RNF228: variants seen among roughly 807,000 people sequenced by gnomAD.
The protein encoded by RNF228 is ring finger protein 228.
chr2:222,317,478 AT>A, the RNF228 span: 4 of 152,174 alleles, frequency 2.6e-5, no homozygotes, highest in Non-Finnish European at 5.9e-5. Flanking sequence ...AGATTCTGTG[AT>A]TTTTAAGCAT....
chr2:222,319,980 G>T, the RNF228 span, among the ~76,000 whole-genome samples: 11 of 152,096 alleles, frequency 7.2e-5, no homozygotes, highest in African/African-American at 2.7e-4. This position sits in a 1 kb window ranked among gnomAD's most constrained non-coding sequence, Gnocchi z 7.6. Flanking sequence ...GGCTCCCTTC[G>T]CGGCGACCCC....
the RNF228 span, among the ~76,000 whole-genome samples, chr2:222,319,928 C>A: frequency 3.9e-5 from 6 of 152,222 alleles, no homozygotes; most frequent in South Asian, 1.2e-3. The surrounding 1 kb of genome is among the most constrained non-coding windows in gnomAD (Gnocchi z 7.6). Flanking sequence ...GGCCGGAGAC[C>A]GTCTCCGCTG....
chr2:222,319,964 G>C, the RNF228 span, among the ~76,000 whole-genome samples: 2 of 152,142 alleles, frequency 1.3e-5, no homozygotes, highest in Non-Finnish European at 2.9e-5. This position sits in a 1 kb window ranked among gnomAD's most constrained non-coding sequence, Gnocchi z 7.6. Flanking sequence ...CGTCTCCGCA[G>C]TCCGGGGCTC....
At chr2:222,315,875 T>G in the RNF228 span, among the ~76,000 whole-genome samples, 7 of 152,258 alleles carry the variant, frequency 4.6e-5, no homozygotes, top group African/African-American at 1.7e-4. Context: ...TATGAAAGCA[T>G]GATGATGAGT....
the RNF228 span, among the ~76,000 whole-genome samples, chr2:222,316,717 A>G: frequency 6.6e-6 from 1 of 152,234 alleles, no homozygotes; most frequent in Non-Finnish European, 1.5e-5. Context: ...ATATATCTTT[A>G]AACATAAACC....
the RNF228 span, chr2:222,319,220 G>C: frequency 3.1e-6 from 1 of 323,218 alleles, no homozygotes; most frequent in East Asian, 4.3e-5. The surrounding 1 kb of genome is among the most constrained non-coding windows in gnomAD (Gnocchi z 7.6). Context: ...CCACGGGCGA[G>C]GGCGAGGGCG....
chr2:222,318,292 C>T, the RNF228 span: 5 of 152,280 alleles, frequency 3.3e-5, no homozygotes, highest in African/African-American at 1.2e-4. Flanking sequence ...CAACAGGGCC[C>T]ACCGCCCTGG....
chr2:222,317,888 A>C, the RNF228 span: 1 of 152,242 alleles, frequency 6.6e-6, no homozygotes, highest in African/African-American at 2.4e-5. Context: ...ATCAATTACC[A>C]ACAGGCTTTT....
At chr2:222,319,277 T>TC in the RNF228 span, 2 of 338,884 alleles carry the variant, frequency 5.9e-6, no homozygotes, top group East Asian at 4.1e-5. This position sits in a 1 kb window ranked among gnomAD's most constrained non-coding sequence, Gnocchi z 7.6. Flanking sequence ...CTCCGGGGGT[T>TC]CCCCCGCCGC....
chr2:222,318,877 A>T, the RNF228 span: 18 of 150,268 alleles, frequency 1.2e-4, no homozygotes, highest in Admixed American at 1.1e-3. Flanking sequence ...GAGGCTCCTC[A>T]GTGGCCGAGT....
the RNF228 span, among the ~76,000 whole-genome samples, chr2:222,319,928 C>G: frequency 1.3e-5 from 2 of 152,108 alleles, no homozygotes; most frequent in African/African-American, 4.8e-5. The surrounding 1 kb of genome is among the most constrained non-coding windows in gnomAD (Gnocchi z 7.6). Context: ...GGCCGGAGAC[C>G]GTCTCCGCTG....
chr2:222,319,630 C>T, the RNF228 span, among the ~76,000 whole-genome samples: 2 of 146,118 alleles, frequency 1.4e-5, no homozygotes, highest in Non-Finnish European at 3.0e-5. The surrounding 1 kb of genome is among the most constrained non-coding windows in gnomAD (Gnocchi z 7.6). Context: ...GGGAAGGCCT[C>T]GGCTAGCTTG....
chr2:222,315,658 CAA>C, the RNF228 span, among the ~76,000 whole-genome samples: 25 of 152,258 alleles, frequency 1.6e-4, no homozygotes, highest in Admixed American at 1.2e-3. Context: ...GCCTGAGACT[CAA>C]AGGAGGTTAA....
At chr2:222,317,671 A>T in the RNF228 span, 1 of 152,208 alleles carries the variant, frequency 6.6e-6, no homozygotes, top group Admixed American at 6.5e-5. Flanking sequence ...ATCTCATGTG[A>T]CTGTATGTGA....
chr2:222,314,253 G>C, the RNF228 span, among the ~76,000 whole-genome samples: 9 of 152,198 alleles, frequency 5.9e-5, no homozygotes, highest in African/African-American at 2.2e-4. Context: ...TAAGAGTACA[G>C]AAGGCTTAGA....
the RNF228 span, among the ~76,000 whole-genome samples, chr2:222,317,044 C>G: frequency 5.9e-5 from 9 of 152,122 alleles, no homozygotes; most frequent in Admixed American, 1.3e-4. Flanking sequence ...ACTGGGCCTT[C>G]CAGGGTCATT....
At chr2:222,318,771 A>ACCCCCCCCCCCCCCC in the RNF228 span, 5 of 102,348 alleles carry the variant, frequency 4.9e-5, no homozygotes, top group Non-Finnish European at 8.0e-5. Flanking sequence ...GGCAAAAGAG[A>ACCCCCCCCCCCCCCC]CCCCCCCCCC....
chr2:222,316,252 A>G, the RNF228 span, among the ~76,000 whole-genome samples: 1 of 152,232 alleles, frequency 6.6e-6, no homozygotes, highest in Non-Finnish European at 1.5e-5. Flanking sequence ...GAAACCAGAC[A>G]GATATTTTCC....
the RNF228 span, chr2:222,318,275 C>A: frequency 6.6e-6 from 1 of 152,262 alleles, no homozygotes; most frequent in African/African-American, 2.4e-5. Context: ...CAACACCCGG[C>A]CATGGGCAAC....
Sources: allele counts gnomAD v4.1 joint callset (sites outside exome capture counted in the v4.1 genomes callset), GRCh38; gene constraint gnomAD v4.1.1; non-coding constraint Gnocchi (gnomAD v3.1); transcripts MANE v1.5; gene names NCBI Gene and HGNC (gene_info 2026-07-23, HGNC 2026-07-21).